The following NECTIN1 variants were observed in gnomAD, a reference collection of about 807,000 sequenced individuals.
NECTIN1 encodes the protein nectin cell adhesion molecule 1, also known as nectin-1.
NECTIN1 carries 23 observed loss-of-function variants against 48.0 expected under a neutral mutation model. The ratio of observed to expected loss-of-function variants is 0.48; its 90% CI spans 0.34 to 0.68. The LOEUF (loss-of-function observed/expected upper bound fraction) is 0.68, where lower values mean the gene tolerates loss of function less well. NECTIN1 is among the 30% of genes least tolerant of loss of function. The pLI is 0.01. For missense variants in NECTIN1, 591 were observed against 709.9 expected (o/e 0.83, Z 1.90); for synonymous variants, 270 against 288.9 (o/e 0.93, Z 0.66).
intron 1 of NECTIN1, among the ~76,000 whole-genome samples, chr11:119,693,278 C>T (rs1474852291): frequency 3.3e-5 from 5 of 152,214 alleles, no homozygotes; most frequent in Admixed American, 3.3e-4. Context: ...GTGGCACCTG[C>T]ACCCTTTGCC....
Position 119,662,850 on chromosome 11 carries a change from G to T in NECTIN1, c.*1897C>A. 1 of 986,032 alleles carries T rather than the reference G, an allele frequency of 1.0e-6. No homozygotes were observed. The highest frequency in any genetic ancestry group is 1.2e-6 in the Non-Finnish European group (1 of 830,134). The allele number at this position is 986,032 out of a possible 1,614,324, so 61.1% of individuals were successfully genotyped here. ...TATCCAGTACCCCAAATGTGTAGAG[G>T]GGAGAGCCGCACCAGGGCTGGCATG... On this transcript the variant is annotated 3_prime_UTR_variant, in exon 6 of 6. Coordinates refer to ENST00000264025, the MANE Select transcript of NECTIN1 (RefSeq NM_002855.5). This position sits in a 1 kb window ranked among gnomAD's most constrained non-coding sequence, Gnocchi z 5.3.
chr11:119,715,548 G>A (rs1354014355), intron 1 of NECTIN1, among the ~76,000 whole-genome samples: 1 of 152,008 alleles, frequency 6.6e-6, no homozygotes, highest in Admixed American at 6.6e-5. Context: ...TAGAGACAGG[G>A]TTTCACCATG....
chr11:119,718,281 A>G (rs1440659901), intron 1 of NECTIN1, among the ~76,000 whole-genome samples: 4 of 152,136 alleles, frequency 2.6e-5, no homozygotes, highest in Non-Finnish European at 4.4e-5. Context: ...CTTCCCTGGG[A>G]TAGTTCTCTG....
chr11:119,706,776 T>C (rs1865553930), intron 1 of NECTIN1, among the ~76,000 whole-genome samples: 1 of 152,240 alleles, frequency 6.6e-6, no homozygotes, highest in Non-Finnish European at 1.5e-5. Context: ...GGAGAATAAA[T>C]GCTGGAACAG....
At chr11:119,640,047 A>T in intron 5 of NECTIN1, 1 of 1,572,174 alleles carries the variant, frequency 6.4e-7, no homozygotes, top group Non-Finnish European at 8.7e-7. Flanking sequence ...GATTAGAGAG[A>T]GAAACTCAAG....
rs1217057346 is a variant in NECTIN1 at position 119,673,679 on chromosome 11, G to A, written c.1003+1480C>T. On this transcript the variant is annotated intron_variant, in intron 5 of 5. Transcript: ENST00000264025. This position sits in a 1 kb window ranked among gnomAD's most constrained non-coding sequence, Gnocchi z 5.8. Reference sequence around the variant, plus strand: ...CAGTGCCTCCCTGAGGGGTGGTCATGTTCCCTATGGCCACTCCACATGGAA... The same window carrying A: ...CAGTGCCTCCCTGAGGGGTGGTCATATTCCCTATGGCCACTCCACATGGAA... Among the ~76,000 whole-genome samples the A allele has an allele frequency of 1.3e-5, 2 of 152,158 alleles. No individual in the cohort carries two copies. The highest frequency in any genetic ancestry group is 2.1e-4 in the South Asian group (1 of 4,832).
At chr11:119,715,576 G>C (rs889529947) in intron 1 of NECTIN1, among the ~76,000 whole-genome samples, 1 of 152,000 alleles carries the variant, frequency 6.6e-6, no homozygotes, top group Non-Finnish European at 1.5e-5. Context: ...GGCTGGTCTC[G>C]AACTCCTGAC....
At chr11:119,685,338 C>A (rs551209120) in intron 1 of NECTIN1, among the ~76,000 whole-genome samples, 14 of 152,366 alleles carry the variant, frequency 9.2e-5, no homozygotes, top group African/African-American at 3.1e-4. Context: ...TGGCGCCCGG[C>A]GCCTTGGGCG....
rs1865013411 is a variant in NECTIN1, at chr11:119,678,972, C to T, written c.80-207G>A. The stretch of plus-strand genomic sequence containing the variant: ...GTGACAACATCCCATGATCCTTCCG[C>T]TCAGGATAATCTTGAAGGATCTATC... On this transcript the variant is annotated intron_variant, in intron 1 of 5. Coordinates refer to ENST00000264025, the MANE Select transcript of NECTIN1 (RefSeq NM_002855.5). This position sits in a 1 kb window ranked among gnomAD's most constrained non-coding sequence, Gnocchi z 4.4. Among the ~76,000 whole-genome samples the T allele has an allele frequency of 6.6e-6, 1 of 152,356 alleles. No homozygotes were observed. The highest frequency in any genetic ancestry group is 1.9e-4 in the East Asian group (1 of 5,188).
intron 5 of NECTIN1, among the ~76,000 whole-genome samples, chr11:119,671,573 A>G (rs1253632628): frequency 6.6e-6 from 1 of 151,890 alleles, no homozygotes; most frequent in African/African-American, 2.4e-5. Flanking sequence ...GGTCAAAGAG[A>G]ATGTTTGGGT....
chr11:119,717,320 T>G (rs1177032898), intron 1 of NECTIN1, among the ~76,000 whole-genome samples: 4 of 152,232 alleles, frequency 2.6e-5, no homozygotes, highest in African/African-American at 9.6e-5. Context: ...ATCACGCCAG[T>G]GGAGACCATC....
chr11:119,722,577 T>C (rs1330905361), intron 1 of NECTIN1, among the ~76,000 whole-genome samples: 1 of 152,206 alleles, frequency 6.6e-6, no homozygotes, highest in Non-Finnish European at 1.5e-5. Context: ...GGGAGAGCCC[T>C]CAGTGACAGG....
intron 5 of NECTIN1, among the ~76,000 whole-genome samples, chr11:119,655,986 C>A (rs572571073): frequency 5.9e-5 from 9 of 152,354 alleles, no homozygotes; most frequent in African/African-American, 2.2e-4. Context: ...CAGCCTCCAA[C>A]TCCTGGGCTC....
At position 119,728,698 on chromosome 11, in the gene NECTIN1, GTGGGCTGGGT is replaced by G; in HGVS notation, c.-155_-146del. Reference sequence around the variant, plus strand: ...AGCTGCAGCCGTCGGCCGGGGCGGGGTGGGCTGGGTGGGATCCGCGCGGCCGCAGTCCGGG... The same window carrying G: ...AGCTGCAGCCGTCGGCCGGGGCGGGGGGGATCCGCGCGGCCGCAGTCCGGG... On this transcript the variant is annotated 5_prime_UTR_variant, in exon 1 of 6. Coordinates refer to ENST00000264025, the MANE Select transcript of NECTIN1 (RefSeq NM_002855.5). 6 of 449,590 alleles carry G rather than the reference GTGGGCTGGGT, an allele frequency of 1.3e-5. No individual in the cohort carries two copies. Among genetic ancestry groups the G allele is most frequent in the African/African-American group, 2.1e-5 (1 of 48,430 alleles). The allele number at this position is 449,590 out of a possible 1,614,324, so 27.9% of individuals were successfully genotyped here.
rs138658500 is a variant in NECTIN1, at chr11:119,638,780, G to A, written c.1178C>T (p.Pro393Leu). The A allele has an allele frequency of 6.5e-5, 105 of 1,613,868 alleles. No homozygotes were observed. The African/African-American group carries it at 9.1e-4, about 14-fold the overall frequency. ...GCTTTGCCTGCTGGGAGAAGGCTCC[G>A]GCTTCTGGGAGAGGGGCTGGTCGGT... is the stretch of plus-strand genomic sequence containing the variant. The change falls in exon 7 of 8, where the codon CCG becomes CTG. Residue 393 changes from proline to leucine, a missense_variant. Pro to Leu is a moderately conservative substitution (Grantham distance 98, BLOSUM62 -3). Coordinates refer to the NECTIN1 transcript ENST00000341398.
chr11:119,722,868 C>T (rs1865855618), intron 1 of NECTIN1, among the ~76,000 whole-genome samples: 1 of 152,244 alleles, frequency 6.6e-6, no homozygotes, highest in Non-Finnish European at 1.5e-5. Context: ...TGTTCACATG[C>T]CTGGCAATGT....
At chr11:119,658,396 A>G (rs931954), downstream of NECTIN1, among the ~76,000 whole-genome samples, 118,609 of 152,030 alleles carry the variant, frequency 0.78, 46,413 homozygotes, top group Admixed American at 0.8. Context: ...GAGAGAATAG[A>G]GTCTGGGGTC....
intron 5 of NECTIN1, among the ~76,000 whole-genome samples, chr11:119,644,848 A>C (rs1864374425): frequency 6.6e-6 from 1 of 152,010 alleles, no homozygotes; most frequent in Non-Finnish European, 1.5e-5. Flanking sequence ...AAAGACAAGG[A>C]ATCAGGGGGC....
intron 5 of NECTIN1, among the ~76,000 whole-genome samples, chr11:119,668,135 C>T (rs562718820): frequency 4.7e-4 from 72 of 152,328 alleles, no homozygotes; most frequent in South Asian, 4.6e-3. Context: ...AGCACACCCT[C>T]ATTTGGAATT....
Sources: allele counts gnomAD v4.1 joint callset (sites outside exome capture counted in the v4.1 genomes callset), GRCh38; gene constraint gnomAD v4.1.1; non-coding constraint Gnocchi (gnomAD v3.1); transcripts MANE v1.5; gene names NCBI Gene and HGNC (gene_info 2026-07-23, HGNC 2026-07-21).